JMJD1C: variants seen among roughly 807,000 people sequenced by gnomAD.
JMJD1C encodes the protein jumonji domain containing 1C.
JMJD1C carries 31 observed loss-of-function variants against 245.3 expected under a neutral mutation model. That is an observed-to-expected ratio of 0.13 (90% CI 0.09 to 0.17). The LOEUF (loss-of-function observed/expected upper bound fraction) is 0.17. Ranked by LOEUF, JMJD1C falls within the 10% of genes least tolerant of loss-of-function variation. The probability of loss-of-function intolerance (pLI) is 1.00; values close to 1 mark genes in which losing one functional copy is unlikely to be tolerated. For synonymous variants in JMJD1C, 1,057 were observed against 1,017.4 expected (o/e 1.04, Z -0.74); for missense variants, 2,691 against 3,000.2 (o/e 0.90, Z 2.41).
intron 24 of JMJD1C, among the ~76,000 whole-genome samples, chr10:63,174,002 A>G (rs1356325398): frequency 6.6e-6 from 1 of 152,230 alleles, no homozygotes; most frequent in Non-Finnish European, 1.5e-5. Flanking sequence ...ACCACTGTAC[A>G]CTTACTAGAA....
In JMJD1C at chr10:63,381,532, T is replaced by C. The variant is rs143078578; in HGVS notation, c.169-1050A>G. 5.9e-3 allele frequency among the ~76,000 whole-genome samples: 893 copies of C among 152,174 alleles called. 2 individuals are homozygous for C. The highest frequency in any genetic ancestry group is 0.017 in the Middle Eastern group (5 of 294). ...AGGTGACAGAATGAGACTCTGTCTA[T>C]TCAAAAAACAAACAAAAAGTGGATC... On this transcript the variant is annotated intron_variant, in intron 1 of 25. Coordinates refer to ENST00000399262, the MANE Select transcript of JMJD1C (RefSeq NM_032776.3).
chr10:63,275,936 TAAA>T (rs1856730184), intron 2 of JMJD1C, among the ~76,000 whole-genome samples: 2 of 152,168 alleles, frequency 1.3e-5, no homozygotes, highest in Admixed American at 1.3e-4. Flanking sequence ...TTTAACGACT[TAAA>T]AAACAGGCAT....
At chr10:63,427,002 ATAACTT>A (rs1950479709) in intron 1 of JMJD1C, among the ~76,000 whole-genome samples, 1 of 152,266 alleles carries the variant, frequency 6.6e-6, no homozygotes, top group Admixed American at 6.5e-5. Context: ...AGATTTAAAA[ATAACTT>A]TAAGACATCC....
rs751381489 is a variant in JMJD1C at position 63,206,858 on chromosome 10, A to G, written c.4811T>C (p.Val1604Ala). ...TTTATCATCTTTTACATATTTATCA[A>G]CTATGATCTTACTATCTACACTATT... Reference protein sequence around the residue: ...IQNSVDSKIIVDKYVKDDKVN... With the variant: ...IQNSVDSKIIADKYVKDDKVN... The change falls in exon 10 of 26, where the codon GTT becomes GCT. Residue 1604 changes from valine to alanine, a missense_variant. Coordinates refer to ENST00000399262, the MANE Select transcript of JMJD1C (RefSeq NM_032776.3). The G allele has an allele frequency of 6.2e-7, 1 of 1,606,452 alleles. No homozygotes were observed. The highest frequency in any genetic ancestry group is 8.5e-7 in the Non-Finnish European group (1 of 1,177,100).
chr10:63,378,515 C>T (rs1483747566), intron 2 of JMJD1C, among the ~76,000 whole-genome samples: 1 of 152,032 alleles, frequency 6.6e-6, no homozygotes, highest in Non-Finnish European at 1.5e-5. Context: ...CTGCGTGAAC[C>T]CGGGAGGCAG....
At position 63,183,439 on chromosome 10, in the gene JMJD1C, A is replaced by C. The variant is rs753573539; in HGVS notation, c.7084+8T>G. The C allele has an allele frequency of 9.4e-6, 15 of 1,603,920 alleles. No individual in the cohort carries two copies. The highest frequency in any genetic ancestry group is 8.5e-7 in the Non-Finnish European group (1 of 1,175,174). ...TATTTCAAAGACTACTTATTCTTTTAAGTTTACCTGCTTTTGAGAGAATGC... is the reference window on the plus strand; with the variant it reads ...TATTTCAAAGACTACTTATTCTTTTCAGTTTACCTGCTTTTGAGAGAATGC... On this transcript the variant is annotated splice_region_variant and intron_variant, in intron 22 of 25. Transcript: ENST00000399262.
At chr10:63,275,071 T>C (rs1856657099) in intron 2 of JMJD1C, among the ~76,000 whole-genome samples, 1 of 152,094 alleles carries the variant, frequency 6.6e-6, no homozygotes, top group Non-Finnish European at 1.5e-5. Flanking sequence ...CAAAATTTAG[T>C]CCTATTACTT....
intron 2 of JMJD1C, among the ~76,000 whole-genome samples, chr10:63,347,352 C>T (rs1438109917): frequency 1.5e-4 from 21 of 143,570 alleles, no homozygotes; most frequent in Admixed American, 1.4e-3. Context: ...GGGAGGCCGA[C>T]GCGGGTGGAT....
Position 63,187,173 on chromosome 10 carries a change from CTGGTT to C in JMJD1C, c.6571-795_6571-791del, listed in dbSNP as rs1456609573. ...TTAAAAAGAAAAAACACCCTAAATT[CTGGTT>C]TACTACATGGTTGAATGTTCCATTA... On this transcript the variant is annotated intron_variant, in intron 18 of 25. Transcript: ENST00000399262. 2.9e-4 allele frequency among the ~76,000 whole-genome samples: 44 copies of C among 151,974 alleles called. No homozygotes were observed. The East Asian group carries it at 7.0e-3, about 24-fold the overall frequency.
chr10:63,183,761 A>T (rs1037384089), intron 21 of JMJD1C, among the ~76,000 whole-genome samples, 192 bp from the exon 22 acceptor site: 1 of 152,222 alleles, frequency 6.6e-6, no homozygotes, highest in African/African-American at 2.4e-5. Flanking sequence ...ACATTTCTAT[A>T]ATAAAATGTA....
intron 2 of JMJD1C, among the ~76,000 whole-genome samples, chr10:63,276,580 G>A (rs900958040): frequency 6.6e-6 from 1 of 152,080 alleles, no homozygotes; most frequent in African/African-American, 2.4e-5. Flanking sequence ...AGCTACTCAG[G>A]AGGCTGAGGC....
At chr10:63,310,790 G>A (rs1283022134) in intron 2 of JMJD1C, among the ~76,000 whole-genome samples, 1 of 151,504 alleles carries the variant, frequency 6.6e-6, no homozygotes, top group Non-Finnish European at 1.5e-5. Flanking sequence ...ATTGACAATA[G>A]GGAAAAATAA....
intron 1 of JMJD1C, among the ~76,000 whole-genome samples, chr10:63,451,537 T>C (rs962897406): frequency 3.3e-5 from 5 of 152,164 alleles, no homozygotes; most frequent in Non-Finnish European, 7.3e-5. Flanking sequence ...ATAACAACTA[T>C]TTACAGAGCA....
intron 2 of JMJD1C, among the ~76,000 whole-genome samples, chr10:63,312,339 C>G (rs190803040): frequency 3.3e-5 from 5 of 152,132 alleles, no homozygotes; most frequent in Admixed American, 3.3e-4. Context: ...AACTCCTGAC[C>G]TCAGGTGATC....
intron 1 of JMJD1C, among the ~76,000 whole-genome samples, chr10:63,384,125 T>C (rs1040650596): frequency 6.6e-6 from 1 of 152,154 alleles, no homozygotes; most frequent in Admixed American, 6.5e-5. Context: ...GCCTCATCCA[T>C]TCAAGTTCAA....
chr10:63,404,215 A>G (rs779536310), intron 1 of JMJD1C, among the ~76,000 whole-genome samples: 8 of 152,218 alleles, frequency 5.3e-5, no homozygotes, highest in Non-Finnish European at 1.2e-4. Context: ...TGAAACGTTA[A>G]AAAGAGTAAG....
At chr10:63,363,540 G>T (rs189534416) in intron 2 of JMJD1C, among the ~76,000 whole-genome samples, 99 of 152,148 alleles carry the variant, frequency 6.5e-4, no homozygotes, top group African/African-American at 2.3e-3. Flanking sequence ...TTACAGGCGT[G>T]AGCCACCACG....
At chr10:63,250,438 T>G (rs1369969707) in intron 3 of JMJD1C, among the ~76,000 whole-genome samples, 1 of 152,120 alleles carries the variant, frequency 6.6e-6, no homozygotes, top group African/African-American at 2.4e-5. Context: ...CAACGCTCAT[T>G]TATAGTGCTG....
intron 2 of JMJD1C, among the ~76,000 whole-genome samples, chr10:63,317,224 C>T (rs891832070): frequency 2.0e-5 from 3 of 150,618 alleles, no homozygotes; most frequent in Admixed American, 1.3e-4. Flanking sequence ...AAATATAAAA[C>T]GCTGGATATG....
Sources: allele counts gnomAD v4.1 joint callset (sites outside exome capture counted in the v4.1 genomes callset), GRCh38; gene constraint gnomAD v4.1.1; transcripts MANE v1.5; gene names NCBI Gene and HGNC (gene_info 2026-07-23, HGNC 2026-07-21).